RASEF: variants seen among roughly 807,000 people sequenced by gnomAD.
RASEF encodes RAS and EF-hand domain containing.
A neutral mutation model predicts 90.1 loss-of-function variants in RASEF; 68 were observed. The ratio of observed to expected loss-of-function variants is 0.75; its 90% CI spans 0.62 to 0.92. The LOEUF is 0.92. RASEF is among the 40% of genes least tolerant of loss of function. RASEF has a pLI of 0.00. For synonymous variants in RASEF, 331 were observed against 345.2 expected (o/e 0.96, Z 0.46); for missense variants, 949 against 937.2 (o/e 1.01, Z -0.16).
chr9:83,088,482 C>T, the RASEF span, among the ~76,000 whole-genome samples: 1 of 151,940 alleles, frequency 6.6e-6, no homozygotes. Flanking sequence ...CTGATCTTCT[C>T]TTTAGTTGTT....
chr9:83,197,412 G>A, the RASEF span, among the ~76,000 whole-genome samples: 1 of 152,158 alleles, frequency 6.6e-6, no homozygotes, highest in Non-Finnish European at 1.5e-5. Context: ...GCCCTGCTAT[G>A]AGTTGACATT....
intron 11 of RASEF, 32 bp downstream of exon 11, chr9:83,000,401 T>A (rs199630496): frequency 6.2e-7 from 1 of 1,612,164 alleles, no homozygotes; most frequent in Non-Finnish European, 8.5e-7. Flanking sequence ...TAAGCAGTGT[T>A]CATGAATAGG....
chr9:83,022,422 G>C lies in RASEF; in HGVS notation c.583C>G (p.Gln195Glu). 10 of 1,612,982 alleles carry C rather than the reference G, an allele frequency of 6.2e-6. No homozygotes were observed. Among genetic ancestry groups the C allele is most frequent in the Non-Finnish European group, 8.5e-6 (10 of 1,179,094 alleles). Residue 195 changes from glutamine to glutamate, a missense_variant, in exon 3 of 17, where the codon CAG (glutamine) becomes GAG (glutamate). Coordinates refer to ENST00000376447, the MANE Select transcript of RASEF (RefSeq NM_152573.4). ...ENLAIAVKRAQDKAAMQLSEL... is the reference protein window; with the variant it reads ...ENLAIAVKRAEDKAAMQLSEL... Reference sequence around the variant, plus strand: ...CTCAACTGCATAGCTGCCTTGTCCTGGGCTCTGAAATTCAAAAGGATGCAC... The same window carrying C: ...CTCAACTGCATAGCTGCCTTGTCCTCGGCTCTGAAATTCAAAAGGATGCAC...
intron 14 of RASEF, 122 bp downstream of exon 14, chr9:82,996,890 C>A: frequency 1.6e-6 from 1 of 636,324 alleles, no homozygotes; most frequent in Non-Finnish European, 2.8e-6. Context: ...CCAATTCTTC[C>A]TGATGGCTTG....
In RASEF at chr9:83,022,316, T is replaced by C. The variant is rs748327193; in HGVS notation, c.669+20A>G. ...ACCTCATAAAGATCTGCTGAATGAA[T>C]GGCCAACCCAGAAACTCACGTCTTT... On this transcript the variant is annotated intron_variant, in intron 3 of 16. Transcript: ENST00000376447. The C allele has an allele frequency of 3.8e-6, 6 of 1,598,890 alleles. No homozygotes were observed. The highest frequency in any genetic ancestry group is 4.3e-6 in the Non-Finnish European group (5 of 1,166,704).
intron 5 of RASEF, 45 bp downstream of exon 5, chr9:83,012,389 G>T: frequency 9.8e-7 from 1 of 1,019,084 alleles, no homozygotes; most frequent in Non-Finnish European, 1.5e-6. Context: ...TGAGGATGTG[G>T]TCTAACAGGA....
rs1189645946 is a variant in RASEF, at chr9:82,980,143, G to C, written c.*2534C>G. On this transcript the variant is annotated 3_prime_UTR_variant, in exon 17 of 17. Coordinates refer to ENST00000376447, the MANE Select transcript of RASEF (RefSeq NM_152573.4). ...AGGATACATTTAAAAAAGGACTGTAGTATAACTATGATTTTAAAATATCTT... is the reference window on the plus strand; with the variant it reads ...AGGATACATTTAAAAAAGGACTGTACTATAACTATGATTTTAAAATATCTT... The C allele has an allele frequency of 6.6e-6, 1 of 152,132 alleles. No individual in the cohort carries two copies. Among genetic ancestry groups the C allele is most frequent in the Non-Finnish European group, 1.5e-5 (1 of 68,034 alleles). The allele number at this position is 152,132 out of a possible 1,614,324, so 9.4% of individuals were successfully genotyped here. A position where few individuals can be genotyped will look rare whatever the true frequency, so the allele number is the denominator to read the frequency against.
chr9:83,089,953 T>TAG, the RASEF span, among the ~76,000 whole-genome samples: 1 of 151,674 alleles, frequency 6.6e-6, no homozygotes, highest in African/African-American at 2.4e-5. Flanking sequence ...TAGATATAGA[T>TAG]ATATAGATAT....
intron 9 of RASEF, among the ~76,000 whole-genome samples, chr9:83,003,356 C>T (rs924369386): frequency 2.6e-5 from 4 of 152,104 alleles, no homozygotes; most frequent in Non-Finnish European, 5.9e-5. Context: ...TAGAATCTTT[C>T]GTTGATGAGC....
At chr9:82,996,776 G>T (rs973608967) in intron 14 of RASEF, among the ~76,000 whole-genome samples, 1 of 152,130 alleles carries the variant, frequency 6.6e-6, no homozygotes, top group Non-Finnish European at 1.5e-5. Context: ...AGAAAACCTA[G>T]AAGTTTTATT....
chr9:83,085,850 G>A, the RASEF span, among the ~76,000 whole-genome samples: 12 of 152,166 alleles, frequency 7.9e-5, no homozygotes, highest in African/African-American at 2.4e-4. Context: ...GCTGGAATCC[G>A]AGAAGTGGAG....
At chr9:83,174,521 G>A in the RASEF span, among the ~76,000 whole-genome samples, 52 of 152,070 alleles carry the variant, frequency 3.4e-4, no homozygotes, top group African/African-American at 1.1e-3. Context: ...CTTTAAGTCC[G>A]TATCACACTG....
At chr9:83,086,684 A>C in the RASEF span, among the ~76,000 whole-genome samples, 56 of 152,300 alleles carry the variant, frequency 3.7e-4, no homozygotes, top group Non-Finnish European at 5.6e-4. Context: ...AGCAAGCCTC[A>C]GTTCCTCACT....
chr9:83,070,419 A>T, the RASEF span, among the ~76,000 whole-genome samples: 1 of 152,114 alleles, frequency 6.6e-6, no homozygotes, highest in African/African-American at 2.4e-5. Context: ...TTAGAAATCA[A>T]ATGACTACAT....
chr9:83,211,719 G>A, the RASEF span, among the ~76,000 whole-genome samples: 1 of 152,148 alleles, frequency 6.6e-6, no homozygotes, highest in African/African-American at 2.4e-5. Context: ...TGTCATTAGG[G>A]CCACAGTGGA....
chr9:83,148,417 C>T, the RASEF span, among the ~76,000 whole-genome samples: 1 of 152,088 alleles, frequency 6.6e-6, no homozygotes, highest in African/African-American at 2.4e-5. Context: ...GATACAGGAA[C>T]ACTCACAGGG....
At chr9:83,128,406 T>C in the RASEF span, among the ~76,000 whole-genome samples, 1 of 151,824 alleles carries the variant, frequency 6.6e-6, no homozygotes, top group Non-Finnish European at 1.5e-5. Flanking sequence ...ATCTACCCTT[T>C]CCTAACTGGA....
At chr9:82,988,271 A>G (rs1474915449) in intron 16 of RASEF, among the ~76,000 whole-genome samples, 2 of 152,346 alleles carry the variant, frequency 1.3e-5, no homozygotes, top group African/African-American at 2.4e-5. Context: ...CTGTGCACCC[A>G]TAAGTGCGTG....
At chr9:83,093,629 C>T in the RASEF span, among the ~76,000 whole-genome samples, 90 of 152,328 alleles carry the variant, frequency 5.9e-4, no homozygotes, top group African/African-American at 2.0e-3. Context: ...CATGCCCACC[C>T]GGAACTCCAG....
Sources: allele counts gnomAD v4.1 joint callset (sites outside exome capture counted in the v4.1 genomes callset), GRCh38; gene constraint gnomAD v4.1.1; transcripts MANE v1.5; gene names NCBI Gene and HGNC (gene_info 2026-07-23, HGNC 2026-07-21).